The following PPM1B variants were observed in gnomAD, a reference collection of about 807,000 sequenced individuals.
PPM1B encodes the protein protein phosphatase 1B.
A neutral mutation model predicts 43.0 loss-of-function variants in PPM1B; 22 were observed. The observed-to-expected ratio is 0.51, with a 90% CI of 0.37 to 0.73. The LOEUF is 0.73. Among genes scored for constraint, PPM1B ranks in the 30% least tolerant of loss-of-function variants. The pLI is 0.00. For synonymous variants in PPM1B, 217 were observed against 197.9 expected, an observed-to-expected ratio of 1.10 and a Z score of -0.81; for missense variants, 632 against 584.2, an observed-to-expected ratio of 1.08 and a Z score of -0.84.
intron 5 of PPM1B, among the ~76,000 whole-genome samples, chr2:44,220,609 T>G (rs915960423): frequency 3.9e-5 from 6 of 152,224 alleles, no homozygotes; most frequent in Non-Finnish European, 8.8e-5. Context: ...GGGAGAAGAC[T>G]AGAAAACGTA....
At chr2:44,207,720 C>T (rs1018125530) in intron 2 of PPM1B, among the ~76,000 whole-genome samples, 1 of 151,532 alleles carries the variant, frequency 6.6e-6, no homozygotes, top group African/African-American at 2.4e-5. Flanking sequence ...GGACCTGGGA[C>T]TACAGGTGTG....
chr2:44,201,526 A>C lies in PPM1B; in HGVS notation c.327A>C (p.Gly109=), dbSNP rs754577745. ...ATGTTAAGAATGGTATCAGAACTGG[A>C]TTTTTGAAAATTGATGAATACATGC... ...VENVKNGIRT[G]FLKIDEYMRN... The change falls in exon 2 of 6, where the codon GGA becomes GGC. Residue 109 remains glycine, a synonymous_variant. Coordinates refer to ENST00000282412, the MANE Select transcript of PPM1B (RefSeq NM_002706.6). The surrounding 1 kb of genome is among the most constrained non-coding windows in gnomAD (Gnocchi z 5.4). 11 of 1,614,184 alleles carry C rather than the reference A, an allele frequency of 6.8e-6. No homozygotes were observed. In the South Asian group the frequency reaches 8.8e-5, roughly 13 times the overall value.
In PPM1B at chr2:44,217,959, AC is replaced by A. The variant is rs1296816684; in HGVS notation, c.965-6del. The A allele has an allele frequency of 2.5e-6, 4 of 1,570,208 alleles. No homozygotes were observed. The highest frequency in any genetic ancestry group is 2.0e-5 in the Admixed American group (1 of 48,838). ...TTAATTTAGGAACTTTTTTTAAAAA[AC>A]CTACAGAGATTATGGAGAAGTCTGG... On this transcript the variant is annotated splice_polypyrimidine_tract_variant and splice_region_variant and intron_variant, in intron 3 of 5. Coordinates refer to ENST00000282412, the MANE Select transcript of PPM1B (RefSeq NM_002706.6).
chr2:44,243,177 G>A (rs1041182386), intron 5 of PPM1B, among the ~76,000 whole-genome samples: 5 of 152,138 alleles, frequency 3.3e-5, no homozygotes, highest in Admixed American at 1.3e-4. Flanking sequence ...TGATTGGAGC[G>A]GTACTAGAGA....
chr2:44,182,410 C>A (rs536605510), intron 1 of PPM1B, among the ~76,000 whole-genome samples: 1 of 152,116 alleles, frequency 6.6e-6, no homozygotes, highest in East Asian at 1.9e-4. Context: ...CAGGCATGCA[C>A]CACCATGCCT....
At chr2:44,172,656 G>C (rs995877157) in intron 1 of PPM1B, among the ~76,000 whole-genome samples, 31 of 152,202 alleles carry the variant, frequency 2.0e-4, no homozygotes, top group African/African-American at 7.2e-4. Context: ...GCCGGGCACA[G>C]TGGCTCACTC....
chr2:44,201,437 A>C lies in PPM1B; in HGVS notation c.238A>C (p.Thr80Pro). ...YCSTHLLEHI[T>P]TNEDFRAAGK... ...CTCAACACATTTATTAGAACACATC[A>C]CTACTAACGAAGACTTTAGGGCAGC... Residue 80 changes from threonine (T) to proline (P), a missense_variant, in exon 2 of 6, where the codon ACT becomes CCT. By Grantham distance (38) the Thr-to-Pro change is conservative (BLOSUM62 -1). This residue lies in a region of PPM1B where 200 missense variants were observed against 200.7 expected (regional missense o/e 1.00). Coordinates refer to ENST00000282412, the MANE Select transcript of PPM1B (RefSeq NM_002706.6). The surrounding 1 kb of genome is among the most constrained non-coding windows in gnomAD (Gnocchi z 5.4). 1 of 1,614,180 alleles carries C rather than the reference A, an allele frequency of 6.2e-7. No individual in the cohort carries two copies. Among genetic ancestry groups the C allele is most frequent in the Non-Finnish European group, 8.5e-7 (1 of 1,180,020 alleles).
intron 5 of PPM1B, among the ~76,000 whole-genome samples, chr2:44,229,097 G>C (rs184640760): frequency 1.1e-4 from 16 of 151,342 alleles, no homozygotes; most frequent in Admixed American, 7.2e-4. Context: ...CAGGAGAATC[G>C]CTTAAATCCT....
chr2:44,178,841 A>T (rs745637986), intron 1 of PPM1B, among the ~76,000 whole-genome samples: 8 of 152,246 alleles, frequency 5.3e-5, no homozygotes, highest in Non-Finnish European at 1.0e-4. Context: ...TCTAGTAGCC[A>T]CATTAATAAA....
intron 3 of PPM1B, among the ~76,000 whole-genome samples, chr2:44,211,564 T>G (rs904185436): frequency 6.9e-6 from 1 of 144,088 alleles, no homozygotes; most frequent in Admixed American, 7.5e-5. Context: ...TTAATAATTA[T>G]GTTATACCTA....
At chr2:44,183,841 C>G (rs537934069) in intron 1 of PPM1B, among the ~76,000 whole-genome samples, 4 of 152,284 alleles carry the variant, frequency 2.6e-5, no homozygotes, top group African/African-American at 9.6e-5. Context: ...CGGGTTCACA[C>G]CATTCTCCTG....
At chr2:44,216,525 T>G (rs1669726604) in intron 3 of PPM1B, among the ~76,000 whole-genome samples, 1 of 152,190 alleles carries the variant, frequency 6.6e-6, no homozygotes, top group South Asian at 2.1e-4. Context: ...CATTATGGTA[T>G]ACAGTACATG....
At chr2:44,206,688 A>G (rs190365491) in intron 2 of PPM1B, among the ~76,000 whole-genome samples, 8 of 152,314 alleles carry the variant, frequency 5.3e-5, no homozygotes, top group Admixed American at 5.2e-4. Flanking sequence ...CCGTTTATGC[A>G]TAAAATTGCT....
intron 1 of PPM1B, among the ~76,000 whole-genome samples, chr2:44,177,950 C>T (rs1296084151): frequency 1.4e-5 from 2 of 143,650 alleles, no homozygotes; most frequent in African/African-American, 5.3e-5. Context: ...GACAGTCCGG[C>T]TCTGTTGCTC....
intron 5 of PPM1B, among the ~76,000 whole-genome samples, chr2:44,243,078 A>AT (rs1189454826): frequency 6.6e-6 from 1 of 152,154 alleles, no homozygotes; most frequent in Non-Finnish European, 1.5e-5. Flanking sequence ...AAATCACATC[A>AT]TGCAACTTCT....
At chr2:44,180,654 A>T (rs1367480708) in intron 1 of PPM1B, among the ~76,000 whole-genome samples, 3 of 151,984 alleles carry the variant, frequency 2.0e-5, no homozygotes, top group Non-Finnish European at 4.4e-5. Flanking sequence ...TCTGTTGTCC[A>T]GGCTAGAGTG....
At chr2:44,228,826 G>C (rs1670340421) in intron 5 of PPM1B, among the ~76,000 whole-genome samples, 1 of 151,760 alleles carries the variant, frequency 6.6e-6, no homozygotes, top group Admixed American at 6.6e-5. Flanking sequence ...TGAACCCTTT[G>C]AGAGAAAATT....
chr2:44,175,527 T>C (rs536459701), intron 1 of PPM1B, among the ~76,000 whole-genome samples: 6 of 152,270 alleles, frequency 3.9e-5, no homozygotes, highest in African/African-American at 1.4e-4. Context: ...CAAATCCTTG[T>C]CGTTGACGAT....
intron 1 of PPM1B, among the ~76,000 whole-genome samples, chr2:44,188,449 A>G (rs1186793327): frequency 1.4e-5 from 2 of 139,954 alleles, no homozygotes; most frequent in Admixed American, 7.6e-5. Context: ...AGGCTGGAAT[A>G]CAACAGTACG....
Sources: gnomAD v4.1 joint callset for allele counts (sites outside exome capture counted in the v4.1 genomes callset) on GRCh38, gnomAD v4.1.1 for gene constraint, gnomAD v4.1.1 regional missense constraint, Gnocchi (gnomAD v3.1) non-coding constraint, MANE v1.5 for transcripts, NCBI Gene and HGNC (gene_info 2026-07-23, HGNC 2026-07-21) for gene names.